Variants in DNAJC13 observed in about 807,000 individuals in gnomAD.
The protein encoded by DNAJC13 is DnaJ heat shock protein family (Hsp40) member C13.
DNAJC13 carries 75 observed loss-of-function variants against 290.5 expected under a neutral mutation model. That is an observed-to-expected ratio of 0.26 (90% CI 0.21 to 0.31). DNAJC13 has a LOEUF of 0.31. Among genes scored for constraint, DNAJC13 ranks in the 10% least tolerant of loss-of-function variants. The pLI is 1.00. For missense variants in DNAJC13, 2,260 were observed against 2,674.5 expected, an observed-to-expected ratio of 0.85 and a Z score of 3.42; for synonymous variants, 862 against 892.0, an observed-to-expected ratio of 0.97 and a Z score of 0.60.
chr3:132,443,898 C>G (rs993188313), intron 2 of DNAJC13, among the ~76,000 whole-genome samples: 3 of 152,122 alleles, frequency 2.0e-5, no homozygotes, highest in African/African-American at 7.2e-5. Context: ...TGTGATCTCT[C>G]CAGTATGGTA....
intron 5 of DNAJC13, among the ~76,000 whole-genome samples, chr3:132,448,408 A>G (rs559114122): frequency 3.9e-5 from 6 of 152,154 alleles, no homozygotes; most frequent in Non-Finnish European, 8.8e-5. Flanking sequence ...GGCATGGTGC[A>G]CTGACAGCTT....
chr3:132,471,317 A>C (rs986899786), intron 20 of DNAJC13, among the ~76,000 whole-genome samples: 1 of 137,568 alleles, frequency 7.3e-6, no homozygotes, highest in African/African-American at 2.7e-5. Flanking sequence ...TCCCTCCCGG[A>C]CGGGGCGGCT....
chr3:132,538,316 C>T lies in DNAJC13; in HGVS notation c.*34C>T, dbSNP rs1180558459. 9 of 1,561,828 alleles carry T rather than the reference C, an allele frequency of 5.8e-6. No individual in the cohort carries two copies. The highest frequency in any genetic ancestry group is 7.9e-6 in the Non-Finnish European group (9 of 1,137,208). On this transcript the variant is annotated 3_prime_UTR_variant, in exon 56 of 56. Coordinates refer to ENST00000260818, the MANE Select transcript of DNAJC13 (RefSeq NM_015268.4). Reference sequence around the variant, plus strand: ...CGAGAGACAATAAACGCTGAAAGGCCAGTGCCAAGTCCACATTCCTCCAGC... The same window carrying T: ...CGAGAGACAATAAACGCTGAAAGGCTAGTGCCAAGTCCACATTCCTCCAGC...
chr3:132,499,014 C>T (rs1935328361), intron 36 of DNAJC13, 112 bp from the exon 37 acceptor site: 9 of 984,728 alleles, frequency 9.1e-6, no homozygotes, highest in Non-Finnish European at 1.3e-5. Context: ...CCATGCCTGG[C>T]CCCATTTTTA....
chr3:132,530,382 C>T (rs115812601), intron 54 of DNAJC13, among the ~76,000 whole-genome samples: 1,808 of 152,194 alleles, frequency 0.012, 46 homozygotes, highest in African/African-American at 0.042. Context: ...AATGTTTTGT[C>T]ACACAGAAAT....
intron 13 of DNAJC13, among the ~76,000 whole-genome samples, chr3:132,460,024 TGTTGA>T (rs1002404825): frequency 6.6e-6 from 1 of 152,206 alleles, no homozygotes; most frequent in Non-Finnish European, 1.5e-5. Flanking sequence ...CTTTTGTATA[TGTTGA>T]GTTAATTGTT....
chr3:132,530,486 A>G (rs563918849), intron 54 of DNAJC13, among the ~76,000 whole-genome samples: 65 of 152,312 alleles, frequency 4.3e-4, no homozygotes, highest in Middle Eastern at 3.4e-3. Flanking sequence ...TCCTCATTTT[A>G]CTTCTGATAC....
intron 55 of DNAJC13, among the ~76,000 whole-genome samples, chr3:132,534,492 T>TA (rs879507200): frequency 3.4e-4 from 51 of 151,982 alleles, no homozygotes; most frequent in East Asian, 1.9e-3. Context: ...CCCGTCTCTA[T>TA]AAAAAAATAC....
chr3:132,508,647 G>A (rs1935670966), intron 43 of DNAJC13, among the ~76,000 whole-genome samples: 2 of 152,158 alleles, frequency 1.3e-5, no homozygotes, highest in Admixed American at 1.3e-4. Flanking sequence ...AGACGGGGGT[G>A]GTCAAGGTTG....
At chr3:132,500,143 A>G (rs1459473288) in intron 38 of DNAJC13, among the ~76,000 whole-genome samples, 2 of 152,186 alleles carry the variant, frequency 1.3e-5, no homozygotes, top group Admixed American at 1.3e-4. Context: ...CTTGTTTCAC[A>G]TATCTTCCAT....
At chr3:132,525,109 G>C (rs1219828145) in intron 51 of DNAJC13, among the ~76,000 whole-genome samples, 1 of 152,200 alleles carries the variant, frequency 6.6e-6, no homozygotes, top group Non-Finnish European at 1.5e-5. Context: ...GGGAGGCCAA[G>C]GCGGGCGGAT....
At position 132,438,953 on chromosome 3, in the gene DNAJC13, A is replaced by G. The variant is rs75380462; in HGVS notation, c.68+4335A>G. On this transcript the variant is annotated intron_variant, in intron 2 of 55. Coordinates refer to ENST00000260818, the MANE Select transcript of DNAJC13 (RefSeq NM_015268.4). ...AAAAATTTCTGTTTTGGCCTAAGTAAGCCATTTCAGAGAGGAAGGAAAGTT... is the reference window on the plus strand; with the variant it reads ...AAAAATTTCTGTTTTGGCCTAAGTAGGCCATTTCAGAGAGGAAGGAAAGTT... Among the ~76,000 whole-genome samples, 569 of 152,344 alleles carry G rather than the reference A, an allele frequency of 3.7e-3. 2 individuals are homozygous for G. The highest frequency in any genetic ancestry group is 6.5e-3 in the Non-Finnish European group (445 of 68,022).
Position 132,496,260 on chromosome 3 carries a change from A to G in DNAJC13, c.4021-268A>G, listed in dbSNP as rs1206469784. ...TAGACGCAAACTCTCTCTAGTATGT[A>G]TGAGTTTAACATGATGTATTTAAGG... On this transcript the variant is annotated intron_variant, in intron 35 of 55. Transcript: ENST00000260818. Among the ~76,000 whole-genome samples the G allele has an allele frequency of 3.3e-5, 5 of 152,322 alleles. No individual in the cohort carries two copies. In the East Asian group the frequency reaches 9.6e-4, roughly 29 times the overall value.
intron 34 of DNAJC13, among the ~76,000 whole-genome samples, chr3:132,494,883 G>A (rs1259297471): frequency 6.6e-6 from 1 of 151,382 alleles, no homozygotes; most frequent in Admixed American, 6.6e-5. Flanking sequence ...AATGGGTAGG[G>A]AACTTTTAGG....
chr3:132,516,127 A>G (rs1262612554), intron 46 of DNAJC13, among the ~76,000 whole-genome samples: 1 of 152,168 alleles, frequency 6.6e-6, no homozygotes, highest in Non-Finnish European at 1.5e-5. Flanking sequence ...GCAGTGCACA[A>G]TGAGGTAGGA....
At chr3:132,537,143 C>CT (rs1340038462) in intron 55 of DNAJC13, 11 of 456,130 alleles carry the variant, frequency 2.4e-5, no homozygotes, top group Middle Eastern at 3.2e-4. Flanking sequence ...GCTTATATTT[C>CT]TTTTTTCCCC....
At chr3:132,458,576 A>G (rs1177219358) in intron 13 of DNAJC13, among the ~76,000 whole-genome samples, 1 of 152,172 alleles carries the variant, frequency 6.6e-6, no homozygotes, top group Non-Finnish European at 1.5e-5. Context: ...AGATTCTGCT[A>G]GTGCCCCTGT....
At chr3:132,515,946 G>A (rs140831478) in intron 46 of DNAJC13, among the ~76,000 whole-genome samples, 2 of 152,266 alleles carry the variant, frequency 1.3e-5, no homozygotes, top group African/African-American at 2.4e-5. Flanking sequence ...TAGTGACTGG[G>A]TGAGAGGCAC....
intron 39 of DNAJC13, among the ~76,000 whole-genome samples, chr3:132,501,898 A>C (rs573715829): frequency 6.6e-6 from 1 of 152,356 alleles, no homozygotes; most frequent in African/African-American, 2.4e-5. Flanking sequence ...TTGATTACAG[A>C]ATAAAAAACT....
Sources: allele counts gnomAD v4.1 joint callset (sites outside exome capture counted in the v4.1 genomes callset), GRCh38; gene constraint gnomAD v4.1.1; transcripts MANE v1.5; gene names NCBI Gene and HGNC (gene_info 2026-07-23, HGNC 2026-07-21).